Variants in STK24 observed in about 807,000 individuals in gnomAD.
The protein encoded by STK24 is serine/threonine-protein kinase 24.
In STK24, 21 loss-of-function variants were observed where a neutral mutation model predicts 55.6. The observed-to-expected ratio is 0.38, with a 90% CI of 0.27 to 0.54. The LOEUF is 0.54. Among genes scored for constraint, STK24 ranks in the 20% least tolerant of loss-of-function variants. The pLI, the probability that STK24 is intolerant of heterozygous loss-of-function variation, is 0.79. For missense variants in STK24, 383 were observed against 538.4 expected (o/e 0.71, Z 2.86); for synonymous variants, 200 against 215.2 (o/e 0.93, Z 0.62).
intron 2 of STK24, among the ~76,000 whole-genome samples, chr13:98,501,537 A>G (rs1442839812): frequency 1.3e-5 from 2 of 152,238 alleles, no homozygotes; most frequent in Non-Finnish European, 2.9e-5. Context: ...CCTTATCTGA[A>G]TAATAAACTA....
At chr13:98,466,767 A>G (rs1893939844) in intron 5 of STK24, among the ~76,000 whole-genome samples, 1 of 152,238 alleles carries the variant, frequency 6.6e-6, no homozygotes, top group Non-Finnish European at 1.5e-5. Context: ...TTCTGCCTCT[A>G]CATGGAGATG....
intron 10 of STK24, 136 bp from the exon 11 acceptor site, chr13:98,453,345 T>C (rs1354942866): frequency 2.4e-6 from 2 of 843,072 alleles, no homozygotes; most frequent in East Asian, 2.5e-5. Flanking sequence ...AATATCAATG[T>C]GTAAGTCTAA....
At chr13:98,568,039 G>A (rs141669425) in intron 1 of STK24, among the ~76,000 whole-genome samples, 8 of 150,370 alleles carry the variant, frequency 5.3e-5, no homozygotes, top group African/African-American at 2.0e-4. Flanking sequence ...TCGCTCTGTC[G>A]CCCAGGCTGG....
chr13:98,469,546 A>ACCCC (rs1245243535), intron 5 of STK24, among the ~76,000 whole-genome samples: 5 of 69,762 alleles, frequency 7.2e-5, no homozygotes, highest in African/African-American at 2.0e-4. Context: ...CCCCCCCCCA[A>ACCCC]AAAAAAAAGG....
chr13:98,524,003 T>C (rs144561191), intron 1 of STK24, among the ~76,000 whole-genome samples: 28 of 152,244 alleles, frequency 1.8e-4, no homozygotes, highest in African/African-American at 4.8e-4. Flanking sequence ...ACAATTCTTG[T>C]TGAGCTGAGG....
At chr13:98,542,159 GCT>G (rs561159334) in intron 1 of STK24, among the ~76,000 whole-genome samples, 34 of 152,272 alleles carry the variant, frequency 2.2e-4, no homozygotes, top group Admixed American at 1.9e-3. Context: ...ATGGTAATCA[GCT>G]CTCATGATTT....
intron 2 of STK24, among the ~76,000 whole-genome samples, chr13:98,489,838 C>A (rs548866266): frequency 6.6e-6 from 1 of 152,208 alleles, no homozygotes; most frequent in African/African-American, 2.4e-5. Context: ...GGGAAGTCAG[C>A]GAAACTTGTG....
chr13:98,557,776 C>T (rs1168625770), intron 1 of STK24, among the ~76,000 whole-genome samples: 3 of 152,224 alleles, frequency 2.0e-5, no homozygotes, highest in Admixed American at 6.5e-5. Flanking sequence ...ATGATCTGGT[C>T]CTGGACTACC....
chr13:98,466,640 C>T, intron 5 of STK24, 79 bp from the exon 6 acceptor site: 1 of 1,467,922 alleles, frequency 6.8e-7, no homozygotes, highest in Non-Finnish European at 9.2e-7. Context: ...AAAATGGTAA[C>T]ATGTCTCAAT....
At chr13:98,462,939 CA>C (rs1188578956) in intron 7 of STK24, among the ~76,000 whole-genome samples, 1 of 152,216 alleles carries the variant, frequency 6.6e-6, no homozygotes, top group Non-Finnish European at 1.5e-5. Context: ...GCTACCCCAG[CA>C]ATCTCCCAAT....
intron 2 of STK24, among the ~76,000 whole-genome samples, chr13:98,492,253 G>A (rs1043222267): frequency 2.0e-5 from 3 of 152,114 alleles, no homozygotes; most frequent in African/African-American, 7.2e-5. Context: ...AATCAAGGAG[G>A]AAGAGGAGGA....
At chr13:98,463,605 C>T in intron 7 of STK24, 86 bp downstream of exon 7, 1 of 1,441,272 alleles carries the variant, frequency 6.9e-7, no homozygotes, top group Non-Finnish European at 9.2e-7. Context: ...AAAAACTCAA[C>T]AGAAAACGAA....
At chr13:98,491,190 ACCCCTTCTCATCT>A (rs1895017405) in intron 2 of STK24, among the ~76,000 whole-genome samples, 1 of 152,044 alleles carries the variant, frequency 6.6e-6, no homozygotes, top group African/African-American at 2.4e-5. Flanking sequence ...CCGGACCTAC[ACCCCTTCTCATCT>A]CCCTGCGAGC....
intron 1 of STK24, among the ~76,000 whole-genome samples, chr13:98,561,606 A>G (rs1897421459): frequency 6.6e-6 from 1 of 151,962 alleles, no homozygotes. Context: ...AGAAAGCAGC[A>G]AGGTTATTCT....
chr13:98,539,956 C>T (rs1482140602), intron 1 of STK24, among the ~76,000 whole-genome samples: 2 of 152,174 alleles, frequency 1.3e-5, no homozygotes, highest in African/African-American at 4.8e-5. Context: ...CCAGTGCAAA[C>T]GGCCTAAATG....
chr13:98,526,189 CTTCT>C (rs1322195400), intron 1 of STK24, among the ~76,000 whole-genome samples: 1 of 152,210 alleles, frequency 6.6e-6, no homozygotes, highest in Non-Finnish European at 1.5e-5. Flanking sequence ...TTCTCTCAGT[CTTCT>C]TTCTGTGAAC....
In STK24 at chr13:98,446,784, A is replaced by G; in HGVS notation, c.*6389T>C. 1 of 1,614,070 alleles carries G rather than the reference A, an allele frequency of 6.2e-7. No homozygotes were observed. The highest frequency in any genetic ancestry group is 8.5e-7 in the Non-Finnish European group (1 of 1,180,012). On this transcript the variant is annotated 3_prime_UTR_variant, in exon 11 of 11. Transcript: ENST00000539966. ...CTGCACTTCAAGTCCCACGTCTACT[A>G]CTTCAGGGCGGAAAGCGAGTACACG... is the stretch of plus-strand genomic sequence containing the variant.
At position 98,447,863 on chromosome 13, in the gene STK24, AAAAAG is replaced by A. The variant is rs1456772811; in HGVS notation, c.*5305_*5309del. 3.2e-5 allele frequency: 7 copies of A among 218,268 alleles called. No individual in the cohort carries two copies. The highest frequency in any genetic ancestry group is 1.6e-4 in the African/African-American group (7 of 43,018). 13.5% of individuals were successfully genotyped at this position (218,268 alleles called of 1,614,324 possible). On this transcript the variant is annotated 3_prime_UTR_variant, in exon 11 of 11. Coordinates refer to ENST00000539966, the MANE Select transcript of STK24 (RefSeq NM_001032296.4). ...CTGTCTCAAAAAAAAAAGAAAAAGAAAAAAGGAAGGGAGAGCTTCCACTAAGCAGG... is the reference window on the plus strand; with the variant it reads ...CTGTCTCAAAAAAAAAAGAAAAAGAAGAAGGGAGAGCTTCCACTAAGCAGG...
chr13:98,479,574 C>T (rs989779680), intron 3 of STK24, among the ~76,000 whole-genome samples: 2 of 152,314 alleles, frequency 1.3e-5, no homozygotes, highest in Middle Eastern at 3.4e-3. Context: ...CTTCGTCCTT[C>T]GCTCTGATAC....
Sources: gnomAD v4.1 joint callset for allele counts (sites outside exome capture counted in the v4.1 genomes callset) on GRCh38, gnomAD v4.1.1 for gene constraint, MANE v1.5 for transcripts, NCBI Gene and HGNC (gene_info 2026-07-23, HGNC 2026-07-21) for gene names.